LRMDA: variants seen among roughly 807,000 people sequenced by gnomAD.
LRMDA encodes the protein leucine rich melanocyte differentiation associated.
A neutral mutation model predicts 29.8 loss-of-function variants in LRMDA; 18 were observed. The ratio of observed to expected loss-of-function variants is 0.60; its 90% CI spans 0.42 to 0.90. The LOEUF (loss-of-function observed/expected upper bound fraction) is 0.90. Among genes scored for constraint, LRMDA ranks in the 40% least tolerant of loss-of-function variants. The probability of loss-of-function intolerance (pLI) is 0.00; values close to 1 mark genes in which losing one functional copy is unlikely to be tolerated. For missense variants in LRMDA, 273 were observed against 273.9 expected, an observed-to-expected ratio of 1.00 and a Z score of 0.02; for synonymous variants, 125 against 109.4, an observed-to-expected ratio of 1.14 and a Z score of -0.89.
intron 2 of LRMDA, among the ~76,000 whole-genome samples, chr10:75,901,607 C>T (rs970413817): frequency 1.3e-5 from 2 of 152,210 alleles, no homozygotes; most frequent in South Asian, 2.1e-4. Flanking sequence ...AGAACCGAGA[C>T]AATCAATGAG....
At chr10:75,543,976 T>G (rs536921743) in intron 2 of LRMDA, among the ~76,000 whole-genome samples, 19 of 152,174 alleles carry the variant, frequency 1.2e-4, no homozygotes, top group Non-Finnish European at 2.5e-4. Flanking sequence ...TCTGGCATGT[T>G]TAAAGTTGGG....
intron 2 of LRMDA, among the ~76,000 whole-genome samples, chr10:76,012,802 C>T (rs1404361135): frequency 6.6e-6 from 1 of 152,196 alleles, no homozygotes; most frequent in African/African-American, 2.4e-5. Context: ...TCTTTTCATA[C>T]AAGCTGAGGC....
chr10:75,620,731 G>A (rs1841170270), intron 2 of LRMDA, among the ~76,000 whole-genome samples: 1 of 152,176 alleles, frequency 6.6e-6, no homozygotes, highest in Non-Finnish European at 1.5e-5. Flanking sequence ...CTTAGTGACT[G>A]TGAGTTACTC....
At chr10:76,244,793 C>G (rs961189142) in intron 5 of LRMDA, among the ~76,000 whole-genome samples, 14 of 152,168 alleles carry the variant, frequency 9.2e-5, no homozygotes, top group African/African-American at 3.4e-4. Flanking sequence ...CCACCAAATG[C>G]AGGCTGGGGA....
chr10:75,725,115 G>A (rs76958308), intron 2 of LRMDA, among the ~76,000 whole-genome samples: 1,731 of 152,296 alleles, frequency 0.011, 42 homozygotes, highest in African/African-American at 0.04. Context: ...GTGAGGAAAT[G>A]CAAAGCTGTA....
intron 6 of LRMDA, among the ~76,000 whole-genome samples, chr10:76,528,866 G>A (rs914889553): frequency 2.0e-5 from 3 of 152,108 alleles, no homozygotes; most frequent in African/African-American, 7.2e-5. Context: ...TATTGCTGTT[G>A]CACTAGCTCT....
chr10:75,633,859 T>G (rs926570986), intron 2 of LRMDA, among the ~76,000 whole-genome samples: 1 of 152,216 alleles, frequency 6.6e-6, no homozygotes, highest in African/African-American at 2.4e-5. Flanking sequence ...TGTTGGAATA[T>G]GGGTGAGAAA....
intron 6 of LRMDA, among the ~76,000 whole-genome samples, chr10:76,382,018 A>G (rs749362979): frequency 6.6e-6 from 1 of 152,242 alleles, no homozygotes; most frequent in Non-Finnish European, 1.5e-5. Flanking sequence ...AACGTTGTCC[A>G]TCATGTTTAA....
At chr10:75,781,774 A>T (rs1259115903) in intron 2 of LRMDA, among the ~76,000 whole-genome samples, 1 of 152,210 alleles carries the variant, frequency 6.6e-6, no homozygotes, top group Admixed American at 6.5e-5. Context: ...AATATTCATA[A>T]CTAATTCTGC....
intron 2 of LRMDA, among the ~76,000 whole-genome samples, chr10:75,612,538 T>A (rs995868544): frequency 3.3e-5 from 5 of 151,982 alleles, no homozygotes; most frequent in African/African-American, 1.2e-4. Flanking sequence ...TCAAGATGAC[T>A]TTTGTTTATT....
chr10:76,556,996 G>T (rs369046019), intron 6 of LRMDA, among the ~76,000 whole-genome samples: 1 of 152,190 alleles, frequency 6.6e-6, no homozygotes. Flanking sequence ...GCCTATACTT[G>T]TAGTGACATT....
chr10:75,598,265 A>T (rs12573007), intron 2 of LRMDA, among the ~76,000 whole-genome samples: 1 of 152,172 alleles, frequency 6.6e-6, no homozygotes, highest in South Asian at 2.1e-4. Context: ...TGATGAGTCC[A>T]ACTTTCGGTA....
In LRMDA at chr10:75,589,641, A is replaced by G. The variant is rs537623787; in HGVS notation, c.131+151147A>G. 2.2e-3 allele frequency among the ~76,000 whole-genome samples: 340 copies of G among 152,186 alleles called. 2 individuals carry two copies. The highest frequency in any genetic ancestry group is 7.8e-3 in the African/African-American group (323 of 41,536). ...TAGCTGTGAGTGTTAGTATGAGCCT[A>G]TAGTCCCAGCTACTCAGGAGGCTGA... On this transcript the variant is annotated intron_variant, in intron 2 of 6. Coordinates refer to ENST00000611255, the MANE Select transcript of LRMDA (RefSeq NM_001305581.2).
At chr10:75,991,051 C>T (rs996897168) in intron 2 of LRMDA, among the ~76,000 whole-genome samples, 1 of 152,114 alleles carries the variant, frequency 6.6e-6, no homozygotes, top group Non-Finnish European at 1.5e-5. Context: ...AGATGGTAAA[C>T]AGTGTAGACT....
intron 2 of LRMDA, among the ~76,000 whole-genome samples, chr10:75,671,560 C>G (rs1841891542): frequency 6.6e-6 from 1 of 152,172 alleles, no homozygotes; most frequent in African/African-American, 2.4e-5. Flanking sequence ...ACCACATGTT[C>G]TCACTCATAA....
intron 2 of LRMDA, among the ~76,000 whole-genome samples, chr10:75,999,924 C>T (rs890822030): frequency 2.0e-5 from 3 of 152,148 alleles, no homozygotes; most frequent in Non-Finnish European, 2.9e-5. Context: ...AGTGACATTT[C>T]GTGCATGTTT....
chr10:76,538,716 T>C (rs909286480), intron 6 of LRMDA, among the ~76,000 whole-genome samples: 1 of 151,960 alleles, frequency 6.6e-6, no homozygotes, highest in Non-Finnish European at 1.5e-5. Flanking sequence ...AACACAACTA[T>C]AAAAAGGCAG....
rs1589332276 is a variant in LRMDA at position 76,112,617 on chromosome 10, G to C, written c.516+53834G>C. 7.9e-5 allele frequency among the ~76,000 whole-genome samples: 12 copies of C among 152,360 alleles called. No homozygotes were observed. In the South Asian group the frequency reaches 2.5e-3, roughly 32 times the overall value. On this transcript the variant is annotated intron_variant, in intron 5 of 6. Coordinates refer to ENST00000611255, the MANE Select transcript of LRMDA (RefSeq NM_001305581.2). ...TCTGGGGAAGCCCCAAGAGGCCCTG[G>C]TACTGCCCTGGATTTTCTTCTGGGC...
At chr10:76,527,740 T>G (rs1406832887) in intron 6 of LRMDA, among the ~76,000 whole-genome samples, 1 of 152,166 alleles carries the variant, frequency 6.6e-6, no homozygotes, top group Non-Finnish European at 1.5e-5. Context: ...CATTCATGGA[T>G]TGCCAGTATT....
Sources: gnomAD v4.1 joint callset for allele counts (sites outside exome capture counted in the v4.1 genomes callset) on GRCh38, gnomAD v4.1.1 for gene constraint, MANE v1.5 for transcripts, NCBI Gene and HGNC (gene_info 2026-07-23, HGNC 2026-07-21) for gene names.